FNTB: variants seen among roughly 807,000 people sequenced by gnomAD.
The protein encoded by FNTB is protein farnesyltransferase subunit beta.
FNTB carries 27 observed loss-of-function variants against 59.4 expected under a neutral mutation model. The ratio of observed to expected loss-of-function variants is 0.45; its 90% confidence interval spans 0.34 to 0.63. FNTB has a LOEUF of 0.63. FNTB is among the 20% of genes least tolerant of loss of function. The pLI, the probability that FNTB is intolerant of heterozygous loss-of-function variation, is 0.02. For synonymous variants in FNTB, 230 were observed against 220.7 expected (o/e 1.04, Z -0.37); for missense variants, 449 against 559.6 (o/e 0.80, Z 1.99).
rs916342258 is a variant in FNTB, at chr14:65,023,670, T to C, written c.375-3783T>C. Among the ~76,000 whole-genome samples, 1 of 152,244 alleles carries C rather than the reference T, an allele frequency of 6.6e-6. No individual in the cohort carries two copies. Among genetic ancestry groups the C allele is most frequent in the African/African-American group, 2.4e-5 (1 of 41,462 alleles). Reference sequence around the variant, plus strand: ...TGTGTGACTGAAGAGCTGAATTTTCTATTTTAATTAATTGAGAATTTAAAT... The same window carrying C: ...TGTGTGACTGAAGAGCTGAATTTTCCATTTTAATTAATTGAGAATTTAAAT... On this transcript the variant is annotated intron_variant, in intron 4 of 11. Transcript: ENST00000246166. This position sits in a 1 kb window ranked among gnomAD's most constrained non-coding sequence, Gnocchi z 4.1.
intron 1 of FNTB, among the ~76,000 whole-genome samples, chr14:64,992,837 A>T (rs542797787): frequency 6.6e-6 from 1 of 151,394 alleles, no homozygotes; most frequent in Admixed American, 6.6e-5. Flanking sequence ...ACTTTTTCAA[A>T]TGATTTCTAT....
chr14:64,995,771 GTATGTATGTA>G (rs940111217), intron 1 of FNTB, among the ~76,000 whole-genome samples: 2 of 119,354 alleles, frequency 1.7e-5, no homozygotes, highest in African/African-American at 5.0e-5. Flanking sequence ...GTATATGTAC[GTATGTATGTA>G]TGTATGTATG....
At chr14:64,992,106 C>A (rs988280841) in intron 1 of FNTB, among the ~76,000 whole-genome samples, 3 of 152,120 alleles carry the variant, frequency 2.0e-5, no homozygotes, top group Non-Finnish European at 2.9e-5. Context: ...TTTTATGCCT[C>A]TGATAGAAGG....
chr14:65,061,412 G>A lies in FNTB; in HGVS notation c.*100G>A. ...TGCATTCTGTGCTACACAAGCCTTA[G>A]CCTCAGTGGAGCTGTGGTTCTCTTG... is the stretch of plus-strand genomic sequence containing the variant. On this transcript the variant is annotated 3_prime_UTR_variant, in exon 12 of 12. Coordinates refer to ENST00000246166, the MANE Select transcript of FNTB (RefSeq NM_002028.4). The A allele has an allele frequency of 1.3e-6, 2 of 1,511,456 alleles. No individual in the cohort carries two copies. The highest frequency in any genetic ancestry group is 1.8e-6 in the Non-Finnish European group (2 of 1,126,192). The allele number at this position is 1,511,456 out of a possible 1,614,324, so 93.6% of individuals were successfully genotyped here.
rs1295169289 is a variant in FNTB, at chr14:65,029,419, A to G, written c.605+1638A>G. On this transcript the variant is annotated intron_variant, in intron 6 of 11. Transcript: ENST00000246166. The surrounding 1 kb of genome is among the most constrained non-coding windows in gnomAD (Gnocchi z 4.7). ...GACTAGCTCGCTGCCCTTCTGGGAT[A>G]GACAGCAGTCTCTGGATGATCTTTC... Among the ~76,000 whole-genome samples the G allele has an allele frequency of 6.6e-6, 1 of 152,224 alleles. No homozygotes were observed. Among genetic ancestry groups the G allele is most frequent in the Admixed American group, 6.5e-5 (1 of 15,288 alleles).
At chr14:64,989,596 C>T (rs1159001398) in intron 1 of FNTB, among the ~76,000 whole-genome samples, 1 of 151,756 alleles carries the variant, frequency 6.6e-6, no homozygotes, top group South Asian at 2.1e-4. Context: ...TCAGAAGACT[C>T]GGTTTATTTG....
At chr14:65,049,723 AT>A (rs2139662902) in intron 9 of FNTB, among the ~76,000 whole-genome samples, 1 of 152,308 alleles carries the variant, frequency 6.6e-6, no homozygotes, top group South Asian at 2.1e-4. Flanking sequence ...AGGATATGAA[AT>A]ATATGTACAT....
In FNTB at chr14:65,021,161, A is replaced by G. The variant is rs116353922; in HGVS notation, c.374+5445A>G. 1.3e-3 allele frequency among the ~76,000 whole-genome samples: 192 copies of G among 152,356 alleles called. 1 individual carries two copies. The highest frequency in any genetic ancestry group is 4.6e-3 in the African/African-American group (192 of 41,586). On this transcript the variant is annotated intron_variant, in intron 4 of 11. Transcript: ENST00000246166. ...TTGGCACTGAAGGAAGCATCCTCTA[A>G]TGAGAATCCCATTCTTTGTTACTGA...
intron 11 of FNTB, among the ~76,000 whole-genome samples, chr14:65,058,515 G>A (rs938312003): frequency 6.6e-6 from 1 of 152,108 alleles, no homozygotes; most frequent in African/African-American, 2.4e-5. Flanking sequence ...AGGTAGTAGA[G>A]GGCATTCGTC....
At position 65,007,041 on chromosome 14, in the gene FNTB, A is replaced by G. The variant is rs2061605797; in HGVS notation, c.209+2728A>G. On this transcript the variant is annotated intron_variant, in intron 2 of 11. Coordinates refer to ENST00000246166, the MANE Select transcript of FNTB (RefSeq NM_002028.4). The surrounding 1 kb of genome is among the most constrained non-coding windows in gnomAD (Gnocchi z 4.9). ...AGGAATTTCACAATTACCCGTTTTT[A>G]TCATTGTTGCCTATGAAATTGAGTG... 6.6e-6 allele frequency among the ~76,000 whole-genome samples: 1 copy of G among 152,208 alleles called. No individual in the cohort carries two copies. Among genetic ancestry groups the G allele is most frequent in the Non-Finnish European group, 1.5e-5 (1 of 68,028 alleles).
chr14:65,041,498 C>A (rs1288987037), intron 8 of FNTB, among the ~76,000 whole-genome samples: 12 of 152,172 alleles, frequency 7.9e-5, no homozygotes, highest in Admixed American at 6.5e-5. Flanking sequence ...AACACACACA[C>A]CTCCACGGCC....
chr14:65,036,754 C>T lies in FNTB; in HGVS notation c.693-4036C>T, dbSNP rs139625959. On this transcript the variant is annotated intron_variant, in intron 7 of 11. Transcript: ENST00000246166. ...TGTCACCCAGGTTGGAGTGCAGTGG[C>T]GTAATCTCAGCTCACTGCAACCTCA... Among the ~76,000 whole-genome samples the T allele has an allele frequency of 2.7e-4, 41 of 152,082 alleles. 2 individuals carry two copies. In the East Asian group the frequency reaches 7.1e-3, roughly 26 times the overall value.
At position 65,029,867 on chromosome 14, in the gene FNTB, A is replaced by G. The variant is rs372704666; in HGVS notation, c.605+2086A>G. 3.3e-4 allele frequency among the ~76,000 whole-genome samples: 50 copies of G among 152,304 alleles called. No individual in the cohort carries two copies. The South Asian group carries it at 6.2e-3, about 19-fold the overall frequency. ...TGCAGTGATGGACTGTAGTGTTCCA[A>G]TAAAAGCCCTCTGGTTTCAGGGCTG... On this transcript the variant is annotated intron_variant, in intron 6 of 11. Coordinates refer to ENST00000246166, the MANE Select transcript of FNTB (RefSeq NM_002028.4). The surrounding 1 kb of genome is among the most constrained non-coding windows in gnomAD (Gnocchi z 4.7).
chr14:65,020,777 G>A (rs2061872054), intron 4 of FNTB, among the ~76,000 whole-genome samples: 1 of 135,872 alleles, frequency 7.4e-6, no homozygotes, highest in South Asian at 2.4e-4. Flanking sequence ...TTGTTGCCAG[G>A]CTGTAGTGCA....
At chr14:65,060,833 A>G (rs574712844) in intron 11 of FNTB, among the ~76,000 whole-genome samples, 3 of 145,220 alleles carry the variant, frequency 2.1e-5, no homozygotes, top group East Asian at 4.1e-4. Flanking sequence ...AGATCGTGTC[A>G]ATGCACTCCA....
chr14:65,060,897 A>C (rs948674612), intron 11 of FNTB, among the ~76,000 whole-genome samples: 2 of 136,866 alleles, frequency 1.5e-5, no homozygotes. Context: ...AAAAAAAAAC[A>C]GTTTGAGATA....
chr14:65,005,449 T>TC (rs1446984518), intron 2 of FNTB, among the ~76,000 whole-genome samples: 1 of 119,812 alleles, frequency 8.3e-6, no homozygotes, highest in African/African-American at 3.2e-5. Flanking sequence ...TCTTCCTTTC[T>TC]TTTCTTTCTT....
intron 1 of FNTB, among the ~76,000 whole-genome samples, chr14:64,993,978 C>T (rs965069299): frequency 6.6e-6 from 1 of 152,032 alleles, no homozygotes; most frequent in Non-Finnish European, 1.5e-5. Flanking sequence ...GCCTCAGGCT[C>T]CCAAGTACCT....
intron 4 of FNTB, among the ~76,000 whole-genome samples, chr14:65,019,814 C>T (rs557216209): frequency 7.9e-5 from 12 of 152,260 alleles, no homozygotes; most frequent in Non-Finnish European, 1.3e-4. Flanking sequence ...CTGGCTCTGA[C>T]CCATAAGGAA....
Sources: allele counts gnomAD v4.1 joint callset (sites outside exome capture counted in the v4.1 genomes callset), GRCh38; gene constraint gnomAD v4.1.1; non-coding constraint Gnocchi (gnomAD v3.1); transcripts MANE v1.5; gene names NCBI Gene and HGNC (gene_info 2026-07-23, HGNC 2026-07-21).